Variants in HEPHL1 observed in about 807,000 individuals in gnomAD.
The protein encoded by HEPHL1 is hephaestin like 1, also known as ferroxidase HEPHL1.
HEPHL1 carries 123 observed loss-of-function variants against 122.0 expected under a neutral mutation model. The observed-to-expected ratio is 1.01, with a 90% confidence interval of 0.87 to 1.17. The LOEUF is 1.17. HEPHL1 is among the 50% of genes most tolerant of loss of function. HEPHL1 has a pLI of 0.00. For synonymous variants in HEPHL1, 527 were observed against 508.9 expected (o/e 1.04, Z -0.48); for missense variants, 1,452 against 1,430.5 (o/e 1.01, Z -0.24).
At chr11:94,041,363 GA>G (rs533058501) in intron 1 of HEPHL1, among the ~76,000 whole-genome samples, 1 of 140,694 alleles carries the variant, frequency 7.1e-6, no homozygotes, top group Non-Finnish European at 1.5e-5. Context: ...CACAGAATTG[GA>G]AAAAACTACT....
intron 2 of HEPHL1, among the ~76,000 whole-genome samples, chr11:94,050,095 T>A (rs995183533): frequency 2.0e-5 from 3 of 152,324 alleles, no homozygotes; most frequent in African/African-American, 7.2e-5. Flanking sequence ...TTTTATTTTT[T>A]CTGTTGATGT....
intron 2 of HEPHL1, among the ~76,000 whole-genome samples, chr11:94,061,696 A>G (rs1945986210): frequency 6.6e-6 from 1 of 152,194 alleles, no homozygotes; most frequent in African/African-American, 2.4e-5. Flanking sequence ...CTGTCAAAAT[A>G]CTATTGAGTA....
Position 94,031,175 on chromosome 11 carries a change from T to C in HEPHL1, c.170+9637T>C, listed in dbSNP as rs553181965. 7.9e-5 allele frequency among the ~76,000 whole-genome samples: 12 copies of C among 151,956 alleles called. No individual in the cohort carries two copies. The East Asian group carries it at 2.1e-3, about 27-fold the overall frequency. ...TTTGTAGGTACAGAGTAACCGCCCC[T>C]CCCCCTACAACAGTATAAAAGAGGA... On this transcript the variant is annotated intron_variant, in intron 1 of 19. Transcript: ENST00000315765.
At chr11:94,094,716 C>T (rs1227980687) in intron 13 of HEPHL1, among the ~76,000 whole-genome samples, 3 of 152,134 alleles carry the variant, frequency 2.0e-5, no homozygotes, top group East Asian at 1.9e-4. Context: ...TGGTATCTCA[C>T]TGTGGTTTTG....
Position 94,102,847 on chromosome 11 carries a change from T to C in HEPHL1, c.2576-67T>C, listed in dbSNP as rs1308093641. 5.0e-6 allele frequency: 4 copies of C among 803,676 alleles called. No homozygotes were observed. The East Asian group carries it at 1.0e-4, about 20-fold the overall frequency. The allele number at this position is 803,676 out of a possible 1,614,324, so 49.8% of individuals were successfully genotyped here. ...GAAAATATATAAAGACCTGCTTATA[T>C]TTCTTCAGATAAATCATCTGAAACA... On this transcript the variant is annotated intron_variant, in intron 14 of 19. Coordinates refer to ENST00000315765, the MANE Select transcript of HEPHL1 (RefSeq NM_001098672.2).
rs187938867 is a variant in HEPHL1 at position 94,021,412 on chromosome 11, T to C, written c.44T>C (p.Phe15Ser). 13 of 1,613,614 alleles carry C rather than the reference T, an allele frequency of 8.1e-6. No homozygotes were observed. In the East Asian group the frequency reaches 2.5e-4, roughly 30 times the overall value. ...QPAGCIFLLT[F>S]LGLSGLVGTV... The stretch of plus-strand genomic sequence containing the variant: ...GCTGGCTGCATCTTTCTCCTCACAT[T>C]CCTGGGTCTGTCTGGGCTGGTTGGC... Residue 15 changes from phenylalanine (F) to serine (S), a missense_variant, in exon 1 of 20, where the codon TTC becomes TCC. Transcript: ENST00000315765.
intron 10 of HEPHL1, 114 bp from the exon 11 acceptor site, chr11:94,085,863 C>A: frequency 1.4e-6 from 1 of 731,240 alleles, no homozygotes; most frequent in Non-Finnish European, 2.3e-6. Flanking sequence ...TGGCTTTTCC[C>A]TGGTACTGTT....
intron 4 of HEPHL1, among the ~76,000 whole-genome samples, chr11:94,065,530 G>C (rs1946026246): frequency 6.6e-6 from 1 of 152,126 alleles, no homozygotes; most frequent in Non-Finnish European, 1.5e-5. Context: ...TGTATTGCAT[G>C]CCTTCTTTTT....
chr11:94,111,813 C>T lies in HEPHL1; in HGVS notation c.3399C>T (p.Leu1133=). ...TCCTTCTAATCACCACGGTGATTCTCTCCCTCAGACTCTGCTCTGCAATGA... is the reference window on the plus strand; with the variant it reads ...TCCTTCTAATCACCACGGTGATTCTTTCCCTCAGACTCTGCTCTGCAATGA... The part of the protein sequence containing the change: ...GLLLLITTVI[L]SLRLCSAMKQ... The change falls in exon 20 of 20, where the codon CTC becomes CTT. Residue 1133 remains leucine (L), a synonymous_variant. Coordinates refer to ENST00000315765, the MANE Select transcript of HEPHL1 (RefSeq NM_001098672.2). 1.3e-6 allele frequency: 2 copies of T among 1,560,668 alleles called. No homozygotes were observed. Among genetic ancestry groups the T allele is most frequent in the Non-Finnish European group, 1.7e-6 (2 of 1,155,704 alleles).
intron 14 of HEPHL1, among the ~76,000 whole-genome samples, 179 bp downstream of exon 14, chr11:94,101,514 T>C (rs1946366988): frequency 6.6e-6 from 1 of 152,108 alleles, no homozygotes; most frequent in African/African-American, 2.4e-5. Context: ...ATTTCTAGGG[T>C]TCCATTAGAA....
At chr11:94,110,804 T>C in intron 17 of HEPHL1, 99 bp from the exon 18 acceptor site, 1 of 881,082 alleles carries the variant, frequency 1.1e-6, no homozygotes, top group Admixed American at 2.6e-5. Flanking sequence ...TCCTTCCTTT[T>C]GCTTACTGTG....
At chr11:94,066,067 A>G (rs989010854) in intron 4 of HEPHL1, among the ~76,000 whole-genome samples, 1 of 152,162 alleles carries the variant, frequency 6.6e-6, no homozygotes, top group Non-Finnish European at 1.5e-5. Context: ...GCATAGTGGC[A>G]CATGCCTGTG....
chr11:94,063,632 C>A lies in HEPHL1; in HGVS notation c.540C>A (p.Asn180Lys). The part of the protein sequence containing the change: ...EEYAPTPADA[N>K]CLTWVYHSHI... Reference sequence around the variant, plus strand: ...ATGCACCTACTCCAGCCGATGCCAACTGCCTGACCTGGGTGTACCATTCGC... The same window carrying A: ...ATGCACCTACTCCAGCCGATGCCAAATGCCTGACCTGGGTGTACCATTCGC... Residue 180 changes from asparagine to lysine, a missense_variant, in exon 3 of 20, where the codon AAC becomes AAA. Asn to Lys is a moderately conservative substitution (Grantham distance 94, BLOSUM62 0). Coordinates refer to ENST00000315765, the MANE Select transcript of HEPHL1 (RefSeq NM_001098672.2). The A allele has an allele frequency of 6.2e-7, 1 of 1,613,942 alleles. No homozygotes were observed. Among genetic ancestry groups the A allele is most frequent in the Non-Finnish European group, 8.5e-7 (1 of 1,179,852 alleles).
intron 1 of HEPHL1, among the ~76,000 whole-genome samples, chr11:94,035,823 G>A (rs1336477838): frequency 3.3e-5 from 5 of 152,120 alleles, no homozygotes; most frequent in East Asian, 3.9e-4. Flanking sequence ...TGCAAGCTCC[G>A]CCTCCTGGGT....
rs1466851603 is a variant in HEPHL1 at position 94,063,510 on chromosome 11, G to C, written c.418G>C (p.Ala140Pro). 2 of 1,598,406 alleles carry C rather than the reference G, an allele frequency of 1.3e-6. No homozygotes were observed. Among genetic ancestry groups the C allele is most frequent in the Non-Finnish European group, 1.7e-6 (2 of 1,171,574 alleles). ...GVFYNKDSEGALYPDGTSGRN... is the reference protein window; with the variant it reads ...GVFYNKDSEGPLYPDGTSGRN... ...TTTTTAATTTTATTTTTTGGAAGGA[G>C]CCCTATACCCAGATGGAACATCTGG... is the stretch of plus-strand genomic sequence containing the variant. Residue 140 changes from alanine to proline, a missense_variant and splice_region_variant, in exon 3 of 20, where the codon GCC (alanine) becomes CCC (proline). Physicochemically the swap from Ala to Pro is conservative, Grantham distance 27 (BLOSUM62 -1). Coordinates refer to ENST00000315765, the MANE Select transcript of HEPHL1 (RefSeq NM_001098672.2).
intron 13 of HEPHL1, among the ~76,000 whole-genome samples, chr11:94,098,303 T>C (rs1470859047): frequency 2.0e-5 from 3 of 152,200 alleles, no homozygotes; most frequent in Admixed American, 6.5e-5. Context: ...AAATTCTGAG[T>C]TGAAAATTCT....
At position 94,086,203 on chromosome 11, in the gene HEPHL1, G is replaced by A. The variant is rs1565358432; in HGVS notation, c.2080+14G>A. 2 of 1,589,862 alleles carry A rather than the reference G, an allele frequency of 1.3e-6. No individual in the cohort carries two copies. The highest frequency in any genetic ancestry group is 1.3e-5 in the African/African-American group (1 of 74,350). On this transcript the variant is annotated intron_variant, in intron 11 of 19. Coordinates refer to ENST00000315765, the MANE Select transcript of HEPHL1 (RefSeq NM_001098672.2). ...CAGACCATGCAGGTAAACTTGCTGG[G>A]TCCATCTCAGGTGACCAGATTTCTA...
rs533885465 is a variant in HEPHL1 at position 94,057,781 on chromosome 11, G to A, written c.416-5727G>A. Among the ~76,000 whole-genome samples the A allele has an allele frequency of 2.0e-5, 3 of 152,210 alleles. No individual in the cohort carries two copies. In the East Asian group the frequency reaches 5.8e-4, roughly 29 times the overall value. On this transcript the variant is annotated intron_variant, in intron 2 of 19. Coordinates refer to ENST00000315765, the MANE Select transcript of HEPHL1 (RefSeq NM_001098672.2). ...ACCTATAAGGACATATAGAGAGATA[G>A]TTTCCACTGGCTGCCTTTTTTTCTC... is the stretch of plus-strand genomic sequence containing the variant.
intron 13 of HEPHL1, among the ~76,000 whole-genome samples, chr11:94,097,378 G>A (rs1946325940): frequency 1.3e-5 from 2 of 152,208 alleles, no homozygotes; most frequent in Admixed American, 1.3e-4. Context: ...TGTGGTCTGA[G>A]AGACAGTTTG....
Sources: gnomAD v4.1 joint callset for allele counts (sites outside exome capture counted in the v4.1 genomes callset) on GRCh38, gnomAD v4.1.1 for gene constraint, MANE v1.5 for transcripts, NCBI Gene and HGNC (gene_info 2026-07-23, HGNC 2026-07-21) for gene names.